The following ODAD1 variants were observed in gnomAD, a reference collection of about 807,000 sequenced individuals.
ODAD1 encodes outer dynein arm-docking complex subunit 1.
A neutral mutation model predicts 67.2 loss-of-function variants in ODAD1; 49 were observed. The observed-to-expected ratio is 0.73, with a 90% CI of 0.58 to 0.92. The LOEUF (loss-of-function observed/expected upper bound fraction) is 0.92, where lower values mean the gene tolerates loss of function less well. ODAD1 is among the 40% of genes least tolerant of loss of function. The pLI is 0.00. For missense variants in ODAD1, 897 were observed against 953.7 expected (o/e 0.94, Z 0.78); for synonymous variants, 345 against 393.7 (o/e 0.88, Z 1.46).
intron 7 of ODAD1, among the ~76,000 whole-genome samples, chr19:48,308,849 AGG>A (rs1177973456): frequency 2.6e-5 from 4 of 152,180 alleles, no homozygotes; most frequent in Non-Finnish European, 4.4e-5. Context: ...AGGAGCAGGC[AGG>A]ATCTGCCCTC....
intron 7 of ODAD1, among the ~76,000 whole-genome samples, chr19:48,307,283 G>C: frequency 6.6e-6 from 1 of 151,282 alleles, no homozygotes; most frequent in African/African-American, 2.4e-5. Context: ...AGGTATCAAT[G>C]TGAACTCACT....
intron 5 of ODAD1, among the ~76,000 whole-genome samples, chr19:48,317,653 T>C (rs1368874045): frequency 6.6e-6 from 1 of 151,776 alleles, no homozygotes; most frequent in Non-Finnish European, 1.5e-5. Context: ...AACACAACTC[T>C]ACCAGATGGA....
At chr19:48,314,267 G>T (rs1464526989) in intron 5 of ODAD1, among the ~76,000 whole-genome samples, 2 of 152,102 alleles carry the variant, frequency 1.3e-5, no homozygotes, top group Non-Finnish European at 2.9e-5. Context: ...AGAGAGAGAG[G>T]CATGGAACAG....
Position 48,296,983 on chromosome 19 carries a change from C to T in ODAD1, c.2117G>A (p.Arg706Gln), listed in dbSNP as rs539314807. Residue 706 changes from arginine to glutamine, a missense_variant, in exon 16 of 16, where the codon CGG (arginine) becomes CAG (glutamine). By Grantham distance (43) the Arg-to-Gln change is conservative. Coordinates refer to ENST00000674294, the MANE Select transcript of ODAD1 (RefSeq NM_001364171.2). ...GGCTGCGTGCCCCTCGTGTTAGCCC[C>T]GGGAGTCTTTGCTGGTGGAGGAGCC... is the stretch of plus-strand genomic sequence containing the variant. ...GPGSSTSKDS[R>Q]G is the part of the protein sequence containing the mutation. 166 of 1,600,304 alleles carry T rather than the reference C, an allele frequency of 1.0e-4. 2 individuals carry two copies. The South Asian group carries it at 1.5e-3, about 15-fold the overall frequency.
intron 3 of ODAD1, 137 bp from the exon 4 acceptor site, chr19:48,318,949 C>G: frequency 1.6e-6 from 1 of 621,162 alleles, no homozygotes; most frequent in African/African-American, 1.8e-5. Context: ...CAACACCCCT[C>G]TAGGAATGCA....
rs1406388816 is a variant in ODAD1 at position 48,297,043 on chromosome 19, A to C, written c.2057T>G (p.Val686Gly). 1 of 1,612,548 alleles carries C rather than the reference A, an allele frequency of 6.2e-7. No homozygotes were observed. The highest frequency in any genetic ancestry group is 8.5e-7 in the Non-Finnish European group (1 of 1,179,834). The change falls in exon 16 of 16, where the codon GTC (valine) becomes GGC (glycine). Residue 686 changes from valine (V) to glycine (G), a missense_variant. Transcript: ENST00000674294. ...SGGLGSSRDH[V>G]SSTGPASSTG... is the part of the protein sequence containing the mutation. ...GCTGGAGGCAGGGCCGGTGCTGGAGACGTGGTCTCTGCTGGACCCGAGGCC... is the reference window on the plus strand; with the variant it reads ...GCTGGAGGCAGGGCCGGTGCTGGAGCCGTGGTCTCTGCTGGACCCGAGGCC...
At chr19:48,303,404 G>A (rs1004914023) in intron 10 of ODAD1, 18 of 605,730 alleles carry the variant, frequency 3.0e-5, no homozygotes, top group Non-Finnish European at 4.1e-5. Flanking sequence ...AAACAGAGAG[G>A]GACAGGGTTG....
rs1600878947 is a variant in ODAD1, at chr19:48,321,888, T to A, written c.-274A>T. 6 of 398,304 alleles carry A rather than the reference T, an allele frequency of 1.5e-5. No homozygotes were observed. In the East Asian group the frequency reaches 2.1e-4, roughly 14 times the overall value. The allele number at this position is 398,304 out of a possible 1,614,324, so 24.7% of individuals were successfully genotyped here. A position where few individuals can be genotyped will look rare whatever the true frequency, so the allele number is the denominator to read the frequency against. Reference sequence around the variant, plus strand: ...GAGCGCTCAACACAGCCTCAGCGGTTCACTACGCAAGCGCGACCAACGGCT... The same window carrying A: ...GAGCGCTCAACACAGCCTCAGCGGTACACTACGCAAGCGCGACCAACGGCT... On this transcript the variant is annotated 5_prime_UTR_variant, in exon 1 of 16. Transcript: ENST00000674294.
At chr19:48,308,918 G>A (rs1171389411) in intron 7 of ODAD1, among the ~76,000 whole-genome samples, 2 of 152,088 alleles carry the variant, frequency 1.3e-5, no homozygotes, top group Admixed American at 6.6e-5. Flanking sequence ...TCCCACTCCA[G>A]GGAGCAGGCA....
chr19:48,303,256 A>G, intron 10 of ODAD1, 161 bp from the exon 11 acceptor site: 1 of 659,372 alleles, frequency 1.5e-6, no homozygotes, highest in Admixed American at 2.3e-5. Flanking sequence ...AGTCACAGAG[A>G]CAAAGAGGTG....
intron 7 of ODAD1, among the ~76,000 whole-genome samples, chr19:48,309,502 C>T (rs577289395): frequency 6.6e-6 from 1 of 152,270 alleles, no homozygotes; most frequent in South Asian, 2.1e-4. Context: ...GACCTGCCTG[C>T]AGAGGAGCTG....
At chr19:48,298,560 T>C (rs1005379169) in intron 12 of ODAD1, among the ~76,000 whole-genome samples, 2 of 152,202 alleles carry the variant, frequency 1.3e-5, no homozygotes, top group African/African-American at 4.8e-5. Context: ...CAAGTGTCAC[T>C]GCCTCCAGGA....
At chr19:48,304,627 A>T (rs1270064968) in intron 8 of ODAD1, among the ~76,000 whole-genome samples, 1 of 152,066 alleles carries the variant, frequency 6.6e-6, no homozygotes, top group Non-Finnish European at 1.5e-5. Context: ...CAAAAAAAAA[A>T]AAAAGACAGA....
intron 3 of ODAD1, among the ~76,000 whole-genome samples, chr19:48,319,057 G>A (rs541718871): frequency 1.2e-4 from 18 of 152,120 alleles, no homozygotes; most frequent in Non-Finnish European, 2.1e-4. Flanking sequence ...CCCACCAGAG[G>A]GCACTTCTGG....
At chr19:48,306,449 C>T in intron 7 of ODAD1, 126 bp from the exon 8 acceptor site, 1 of 718,034 alleles carries the variant, frequency 1.4e-6, no homozygotes, top group Non-Finnish European at 2.4e-6. Flanking sequence ...GTGGACCCTC[C>T]TCATTAGCGA....
chr19:48,307,160 G>A (rs185854384), intron 7 of ODAD1, among the ~76,000 whole-genome samples: 16 of 151,586 alleles, frequency 1.1e-4, no homozygotes, highest in African/African-American at 3.6e-4. Context: ...CCCTAGCCTG[G>A]GCAACAAGAG....
intron 12 of ODAD1, among the ~76,000 whole-genome samples, chr19:48,300,120 A>G (rs1968420910): frequency 6.6e-6 from 1 of 152,104 alleles, no homozygotes; most frequent in Admixed American, 6.5e-5. Context: ...CAGCCTGCCA[A>G]CATGGCGAAA....
At chr19:48,316,311 C>CA (rs1380630628) in intron 5 of ODAD1, among the ~76,000 whole-genome samples, 1 of 151,372 alleles carries the variant, frequency 6.6e-6, no homozygotes, top group Non-Finnish European at 1.5e-5. Flanking sequence ...ACCCAGGAGA[C>CA]AGAGGTTGCA....
intron 1 of ODAD1, among the ~76,000 whole-genome samples, chr19:48,321,068 C>A (rs1371716365): frequency 6.6e-6 from 1 of 152,180 alleles, no homozygotes; most frequent in Non-Finnish European, 1.5e-5. Context: ...GAAACCCCGT[C>A]TCTACTAAAA....
Sources: allele counts gnomAD v4.1 joint callset (sites outside exome capture counted in the v4.1 genomes callset), GRCh38; gene constraint gnomAD v4.1.1; transcripts MANE v1.5; gene names NCBI Gene and HGNC (gene_info 2026-07-23, HGNC 2026-07-21).